HIP1R: variants seen among roughly 807,000 people sequenced by gnomAD.
HIP1R encodes the protein huntingtin interacting protein 1 related.
In HIP1R, 135 loss-of-function variants were observed where a neutral mutation model predicts 144.2. That is an observed-to-expected ratio of 0.94 (90% CI 0.81 to 1.08). The LOEUF is 1.08. Among genes scored for constraint, HIP1R ranks in the 50% least tolerant of loss-of-function variants. The probability of loss-of-function intolerance (pLI) is 0.00; values close to 1 mark genes in which losing one functional copy is unlikely to be tolerated. For missense variants in HIP1R, 1,462 were observed against 1,432.8 expected, an observed-to-expected ratio of 1.02 and a Z score of -0.33; for synonymous variants, 698 against 612.8, an observed-to-expected ratio of 1.14 and a Z score of -2.05.
chr12:122,842,269 C>A (rs1170726937), intron 1 of HIP1R, among the ~76,000 whole-genome samples: 1 of 152,204 alleles, frequency 6.6e-6, no homozygotes, highest in Non-Finnish European at 1.5e-5. Context: ...CTGTTAGGTG[C>A]CACGATAATA....
At chr12:122,860,891 C>A (rs966647223) in intron 28 of HIP1R, 25 bp from the exon 29 acceptor site, 3 of 1,602,920 alleles carry the variant, frequency 1.9e-6, no homozygotes, top group African/African-American at 1.3e-5. Context: ...GAGACCTGGG[C>A]CCACCCTGAC....
At position 122,860,913 on chromosome 12, in the gene HIP1R, C is replaced by T. The variant is rs2033750080; in HGVS notation, c.2767-3C>T. 1 of 1,610,156 alleles carries T rather than the reference C, an allele frequency of 6.2e-7. No homozygotes were observed. The highest frequency in any genetic ancestry group is 8.5e-7 in the Non-Finnish European group (1 of 1,178,488). ...GGGCCCACCCTGACCTCTCGCCCCT[C>T]AGGTGAAGGCCAACAAGCACAGCCC... On this transcript the variant is annotated splice_region_variant and splice_polypyrimidine_tract_variant and intron_variant, in intron 28 of 31. Transcript: ENST00000253083.
chr12:122,837,009 A>C (rs1037275884), intron 1 of HIP1R, among the ~76,000 whole-genome samples: 1 of 152,222 alleles, frequency 6.6e-6, no homozygotes, highest in Non-Finnish European at 1.5e-5. Context: ...ATTTTAAAAA[A>C]ATTTAAAGTC....
rs1457811035 is a variant in HIP1R at position 122,861,452 on chromosome 12, G to A, written c.3097G>A (p.Val1033Ile). The stretch of plus-strand genomic sequence containing the variant: ...CCGGCCCAGCACTGCCCCCCGAAGT[G>A]TAACCACCAAGAAACCACCCCTGGC... ...AIRPSTAPRSVTTKKPPLAQK... is the reference protein window; with the variant it reads ...AIRPSTAPRSITTKKPPLAQK... Residue 1033 changes from valine (V) to isoleucine (I), a missense_variant, in exon 31 of 32, where the codon GTA becomes ATA. By Grantham distance (29) the Val-to-Ile change is conservative. Coordinates refer to ENST00000253083, the MANE Select transcript of HIP1R (RefSeq NM_003959.3). 6.2e-7 allele frequency: 1 copy of A among 1,613,426 alleles called. No homozygotes were observed. The highest frequency in any genetic ancestry group is 2.2e-5 in the East Asian group (1 of 44,892).
rs965517001 is a variant in HIP1R at position 122,848,208 on chromosome 12, C to T, written c.157+114C>T. 3.7e-5 allele frequency: 43 copies of T among 1,176,886 alleles called. No individual in the cohort carries two copies. In the African/African-American group the frequency reaches 4.8e-4, roughly 13 times the overall value. The allele number at this position is 1,176,886 out of a possible 1,614,324, so 72.9% of individuals were successfully genotyped here. A position where few individuals can be genotyped will look rare whatever the true frequency, so the allele number is the denominator to read the frequency against. ...GGGTCACAAGTTCCCTCACTGAGCC[C>T]GGGGAGGAGGGTCCTGTGCAGCTTG... On this transcript the variant is annotated intron_variant, in intron 2 of 31. Transcript: ENST00000253083.
rs576157295 is a variant in HIP1R, at chr12:122,862,808, T to C, written c.*1055T>C. 3.3e-5 allele frequency: 5 copies of C among 152,256 alleles called. No individual in the cohort carries two copies. In the East Asian group the frequency reaches 7.7e-4, roughly 23 times the overall value. The allele number at this position is 152,256 out of a possible 1,614,324, so 9.4% of individuals were successfully genotyped here. A position where few individuals can be genotyped will look rare whatever the true frequency, so the allele number is the denominator to read the frequency against. On this transcript the variant is annotated 3_prime_UTR_variant, in exon 32 of 32. Transcript: ENST00000253083. ...TCCCCCCACCCCAGCCCTAGCCCTT[T>C]AGCCTTTCACCCTGTGCTCTGGAAA...
rs970720668 is a variant in HIP1R at position 122,857,157 on chromosome 12, G to C, written c.1757G>C (p.Arg586Pro). The change falls in exon 18 of 32, where the codon CGG becomes CCG. Residue 586 changes from arginine to proline, a missense_variant. By Grantham distance (103) the Arg-to-Pro change is moderately radical. This residue lies in a region of HIP1R where 1,112 missense variants were observed against 1,011.7 expected (regional missense o/e 1.10). Transcript: ENST00000253083. Reference sequence around the variant, plus strand: ...CGCGAGACAGAGGCGGCGCTGAGCCGGGAGCAGCAGCGCAGCTCCCAGGAG... The same window carrying C: ...CGCGAGACAGAGGCGGCGCTGAGCCCGGAGCAGCAGCGCAGCTCCCAGGAG... Reference protein sequence around the residue: ...LVRETEAALSREQQRSSQEQG... With the variant: ...LVRETEAALSPEQQRSSQEQG... The C allele has an allele frequency of 6.4e-7, 1 of 1,550,400 alleles. No individual in the cohort carries two copies. Among genetic ancestry groups the C allele is most frequent in the Admixed American group, 2.0e-5 (1 of 50,996 alleles).
chr12:122,849,422 C>T (rs1335737587), intron 4 of HIP1R, among the ~76,000 whole-genome samples: 1 of 152,250 alleles, frequency 6.6e-6, no homozygotes, highest in Admixed American at 6.5e-5. Context: ...GAGGCCTGAC[C>T]AGGGCGTTAT....
In HIP1R at chr12:122,860,979, G is replaced by A. The variant is rs762526175; in HGVS notation, c.2830G>A (p.Glu944Lys). 4.3e-6 allele frequency: 7 copies of A among 1,613,438 alleles called. No individual in the cohort carries two copies. The highest frequency in any genetic ancestry group is 5.9e-6 in the Non-Finnish European group (7 of 1,180,014). The change falls in exon 29 of 32, where the codon GAG becomes AAG. Residue 944 changes from glutamate to lysine, a missense_variant. By Grantham distance (56) the Glu-to-Lys change is moderately conservative. Around this residue, in one of 2 missense-constraint regions of HIP1R, gnomAD observed 1,112 missense variants for 1,011.7 expected, o/e 1.10. Coordinates refer to ENST00000253083, the MANE Select transcript of HIP1R (RefSeq NM_003959.3). ...RLQECSRTVN[E>K]RAANVVASTK... ...GCAGGAATGTTCTCGCACAGTCAATGAGAGGGCTGCCAATGTGGTGGCCTC... is the reference window on the plus strand; with the variant it reads ...GCAGGAATGTTCTCGCACAGTCAATAAGAGGGCTGCCAATGTGGTGGCCTC...
intron 29 of HIP1R, 46 bp downstream of exon 29, chr12:122,861,085 T>C: frequency 1.2e-6 from 2 of 1,613,410 alleles, no homozygotes; most frequent in African/African-American, 1.3e-5. Flanking sequence ...CGAGGCTGAA[T>C]GGGGGTGGGT....
Position 122,854,077 on chromosome 12 carries a change from C to T in HIP1R, c.612C>T (p.Ser204=), listed in dbSNP as rs369456224. ...FRQLNTAIAV[S]QMSSGQCRLA... ...AGCTCAACACGGCCATCGCCGTATC[C>T]CAGATGTCCTCAGGCCAGTGCCGCC... Residue 204 remains serine (S), a synonymous_variant, in exon 8 of 32, where the codon TCC becomes TCT. Coordinates refer to ENST00000253083, the MANE Select transcript of HIP1R (RefSeq NM_003959.3). 2.1e-4 allele frequency: 342 copies of T among 1,613,854 alleles called. 6 individuals carry two copies. In the South Asian group the frequency reaches 2.9e-3, roughly 14 times the overall value.
rs528387634 is a variant in HIP1R, at chr12:122,845,620, T to C, written c.94-2411T>C. On this transcript the variant is annotated intron_variant, in intron 1 of 31. Coordinates refer to ENST00000253083, the MANE Select transcript of HIP1R (RefSeq NM_003959.3). The stretch of plus-strand genomic sequence containing the variant: ...GGAGCTGGGGGTTCAGCAGCACCTA[T>C]AGGCCGATCTGCTTCCCCTCGTGTT... Among the ~76,000 whole-genome samples, 6 of 152,248 alleles carry C rather than the reference T, an allele frequency of 3.9e-5. No homozygotes were observed. In the East Asian group the frequency reaches 1.2e-3, roughly 29 times the overall value.
At position 122,851,291 on chromosome 12, in the gene HIP1R, G is replaced by C; in HGVS notation, c.571G>C (p.Glu191Gln). The change falls in exon 7 of 32, where the codon GAA becomes CAA. Residue 191 changes from glutamate (E) to glutamine (Q), a missense_variant. This residue lies in a region of HIP1R where 350 missense variants were observed against 421.1 expected (regional missense o/e 0.83). Coordinates refer to ENST00000253083, the MANE Select transcript of HIP1R (RefSeq NM_003959.3). Reference sequence around the variant, plus strand: ...CATGGATTGTGAGCTGAAGCTTTCTGAATCAGGTGAGCCGTAAAGAGGGGA... The same window carrying C: ...CATGGATTGTGAGCTGAAGCTTTCTCAATCAGGTGAGCCGTAAAGAGGGGA... ...DYMDCELKLS[E>Q]SVFRQLNTAI... is the part of the protein sequence containing the mutation. The C allele has an allele frequency of 6.4e-7, 1 of 1,555,516 alleles. No homozygotes were observed.
chr12:122,860,051 C>G lies in HIP1R; in HGVS notation c.2470C>G (p.Leu824Val), dbSNP rs751192236. 6.4e-7 allele frequency: 1 copy of G among 1,558,396 alleles called. No individual in the cohort carries two copies. The highest frequency in any genetic ancestry group is 8.7e-7 in the Non-Finnish European group (1 of 1,153,224). Residue 824 changes from leucine to valine, a missense_variant, in exon 25 of 32, where the codon CTC becomes GTC. Leu to Val is a conservative substitution (Grantham distance 32). Around this residue, in one of 2 missense-constraint regions of HIP1R, gnomAD observed 1,112 missense variants for 1,011.7 expected, o/e 1.10. Transcript: ENST00000253083. ...GTCTCTCCTTCTCTCCCCCAGGATCCTCAACTCCTGCACAGACCTGATGAA... is the reference window on the plus strand; with the variant it reads ...GTCTCTCCTTCTCTCCCCCAGGATCGTCAACTCCTGCACAGACCTGATGAA... ...GVKLEVNERI[L>V]NSCTDLMKAI...
chr12:122,860,833 G>A (rs1566116049), intron 28 of HIP1R, 49 bp downstream of exon 28: 4 of 1,599,936 alleles, frequency 2.5e-6, no homozygotes, highest in Admixed American at 3.5e-5. Context: ...GCCCAGCTTG[G>A]CCTGGGCTGT....
intron 4 of HIP1R, among the ~76,000 whole-genome samples, chr12:122,849,066 G>A (rs1593869788): frequency 6.6e-6 from 1 of 152,220 alleles, no homozygotes; most frequent in Non-Finnish European, 1.5e-5. Flanking sequence ...CTCCAGCGTC[G>A]AAGTCACCCG....
At chr12:122,839,516 A>G (rs535947921) in intron 1 of HIP1R, among the ~76,000 whole-genome samples, 26 of 152,352 alleles carry the variant, frequency 1.7e-4, no homozygotes, top group African/African-American at 5.8e-4. Flanking sequence ...GGTTGGTGAC[A>G]TACATGCTTA....
intron 1 of HIP1R, among the ~76,000 whole-genome samples, chr12:122,837,653 C>A (rs942859836): frequency 1.7e-4 from 26 of 152,174 alleles, no homozygotes; most frequent in Admixed American, 1.4e-3. Context: ...GGTTTTTTCT[C>A]AGAGGCTAAG....
At chr12:122,853,167 A>C (rs149065617) in intron 7 of HIP1R, among the ~76,000 whole-genome samples, 22 of 152,066 alleles carry the variant, frequency 1.4e-4, no homozygotes, top group African/African-American at 5.1e-4. Flanking sequence ...AGGCAGCCTC[A>C]TGTTTGTCCT....
Sources: gnomAD v4.1 joint callset for allele counts (sites outside exome capture counted in the v4.1 genomes callset) on GRCh38, gnomAD v4.1.1 for gene constraint, gnomAD v4.1.1 regional missense constraint, MANE v1.5 for transcripts, NCBI Gene and HGNC (gene_info 2026-07-23, HGNC 2026-07-21) for gene names.